The following RTN1 variants were observed in gnomAD, a reference collection of about 807,000 sequenced individuals.
RTN1 encodes the protein reticulon-1.
Under a neutral mutation model 65.5 loss-of-function variants are expected in RTN1, and 25 were observed. The ratio of observed to expected loss-of-function variants is 0.38; its 90% CI spans 0.28 to 0.53. The LOEUF is 0.53. Ranked by LOEUF, RTN1 falls within the 20% of genes least tolerant of loss-of-function variation. The probability of loss-of-function intolerance (pLI) is 0.79; values close to 1 mark genes in which losing one functional copy is unlikely to be tolerated. For missense variants in RTN1, 983 were observed against 1,025.4 expected (o/e 0.96, Z 0.57); for synonymous variants, 471 against 447.6 (o/e 1.05, Z -0.66).
intron 3 of RTN1, among the ~76,000 whole-genome samples, chr14:59,629,862 G>GA (rs1397589069): frequency 2.6e-5 from 4 of 152,122 alleles, no homozygotes; most frequent in Admixed American, 1.3e-4. Context: ...TCCAATGACA[G>GA]AAAAAAACCC....
intron 1 of RTN1, among the ~76,000 whole-genome samples, chr14:59,822,596 G>A (rs1401163063): frequency 6.6e-6 from 1 of 152,166 alleles, no homozygotes; most frequent in Non-Finnish European, 1.5e-5. Flanking sequence ...CTTCAGGTGT[G>A]ATGTTAGCTT....
intron 1 of RTN1, among the ~76,000 whole-genome samples, chr14:59,763,403 G>C (rs1885786548): frequency 6.6e-6 from 1 of 152,130 alleles, no homozygotes; most frequent in Admixed American, 6.5e-5. Flanking sequence ...TGAATGCTCA[G>C]TCAGGAAACT....
chr14:59,762,910 G>T (rs1173941646), intron 1 of RTN1, among the ~76,000 whole-genome samples: 1 of 152,170 alleles, frequency 6.6e-6, no homozygotes, highest in Non-Finnish European at 1.5e-5. Context: ...TTGCCTTCTT[G>T]TTCAAGTTTT....
At chr14:59,855,032 T>C (rs1887579579) in intron 1 of RTN1, among the ~76,000 whole-genome samples, 1 of 152,198 alleles carries the variant, frequency 6.6e-6, no homozygotes, top group South Asian at 2.1e-4. Flanking sequence ...TAGTACTATA[T>C]GGTTATTTTC....
intron 3 of RTN1, among the ~76,000 whole-genome samples, chr14:59,718,445 A>G (rs1233463915): frequency 6.6e-6 from 1 of 152,152 alleles, no homozygotes; most frequent in Non-Finnish European, 1.5e-5. Context: ...GACTTTCTGA[A>G]GCTTTTGTGA....
chr14:59,859,933 G>C (rs1031769424), intron 1 of RTN1, among the ~76,000 whole-genome samples: 3 of 152,178 alleles, frequency 2.0e-5, no homozygotes, highest in Non-Finnish European at 4.4e-5. Flanking sequence ...ATGTGACTAG[G>C]GTGCTGTTAA....
chr14:59,802,642 T>C (rs1206761502), intron 1 of RTN1, among the ~76,000 whole-genome samples: 1 of 152,182 alleles, frequency 6.6e-6, no homozygotes, highest in East Asian at 1.9e-4. Flanking sequence ...CAGTTAAGAT[T>C]TTCTTTAGTT....
intron 1 of RTN1, among the ~76,000 whole-genome samples, chr14:59,746,805 G>A (rs1003575548): frequency 6.6e-6 from 1 of 152,148 alleles, no homozygotes; most frequent in Admixed American, 6.5e-5. Flanking sequence ...CTTGATCTTA[G>A]TATTATTAAA....
At chr14:59,752,893 A>T (rs189040217) in intron 1 of RTN1, among the ~76,000 whole-genome samples, 6 of 152,336 alleles carry the variant, frequency 3.9e-5, no homozygotes, top group African/African-American at 1.4e-4. Context: ...AAATACAGCA[A>T]GAGTATTCTC....
intron 3 of RTN1, among the ~76,000 whole-genome samples, chr14:59,645,746 A>C (rs1045214172): frequency 6.6e-6 from 1 of 152,134 alleles, no homozygotes; most frequent in Non-Finnish European, 1.5e-5. Flanking sequence ...CCTGGTCCTC[A>C]CTTCTCTTCA....
chr14:59,602,675 C>T (rs1881616274), intron 8 of RTN1, among the ~76,000 whole-genome samples: 1 of 152,016 alleles, frequency 6.6e-6, no homozygotes, highest in Non-Finnish European at 1.5e-5. Context: ...AAAATTAGTG[C>T]TATTCATTGT....
chr14:59,774,312 G>C lies in RTN1; in HGVS notation c.242-27831C>G, dbSNP rs771034962. Among the ~76,000 whole-genome samples, 2 of 152,084 alleles carry C rather than the reference G, an allele frequency of 1.3e-5. No individual in the cohort carries two copies. The highest frequency in any genetic ancestry group is 2.9e-5 in the Non-Finnish European group (2 of 68,002). On this transcript the variant is annotated intron_variant, in intron 1 of 8. Coordinates refer to ENST00000267484, the MANE Select transcript of RTN1 (RefSeq NM_021136.3). The surrounding 1 kb of genome is among the most constrained non-coding windows in gnomAD (Gnocchi z 5.1). The stretch of plus-strand genomic sequence containing the variant: ...ATTCCATTTGTAAGAACATGGACTC[G>C]ACTCTGAATTAAAGTGTAAAAATGA...
At chr14:59,736,115 A>G (rs1884996385) in intron 2 of RTN1, among the ~76,000 whole-genome samples, 1 of 152,190 alleles carries the variant, frequency 6.6e-6, no homozygotes, top group Non-Finnish European at 1.5e-5. Flanking sequence ...ACAACCTAAC[A>G]TCACAACTAA....
intron 3 of RTN1, among the ~76,000 whole-genome samples, chr14:59,703,525 C>G (rs898924808): frequency 2.0e-5 from 3 of 152,218 alleles, no homozygotes; most frequent in African/African-American, 7.2e-5. Flanking sequence ...CAGCACTATG[C>G]TTCCTGCAAA....
chr14:59,647,573 A>C (rs769172361), intron 3 of RTN1, among the ~76,000 whole-genome samples: 2 of 152,238 alleles, frequency 1.3e-5, no homozygotes, highest in East Asian at 3.8e-4. Flanking sequence ...CAGCAAATGT[A>C]AAAGAACTGA....
intron 1 of RTN1, among the ~76,000 whole-genome samples, chr14:59,841,407 C>CT (rs1476625012): frequency 6.6e-6 from 1 of 152,100 alleles, no homozygotes; most frequent in Non-Finnish European, 1.5e-5. Flanking sequence ...GATAAAACTG[C>CT]AAGACTCGCC....
chr14:59,822,162 T>A (rs780325710), intron 1 of RTN1, among the ~76,000 whole-genome samples: 1 of 152,070 alleles, frequency 6.6e-6, no homozygotes, highest in African/African-American at 2.4e-5. Context: ...GGTTGGTAGG[T>A]TTTTTATTGT....
At chr14:59,732,829 G>T (rs139678918) in intron 2 of RTN1, among the ~76,000 whole-genome samples, 5 of 152,302 alleles carry the variant, frequency 3.3e-5, no homozygotes, top group African/African-American at 9.6e-5. Flanking sequence ...TCGTTTTGTG[G>T]GCCCCACTTC....
In RTN1 at chr14:59,803,080, G is replaced by A. The variant is rs975065612; in HGVS notation, c.242-56599C>T. ...TCATTTGCCATTTGCACTGGGATAA[G>A]CACACAGGCCATGCAGAAAACCGCT... On this transcript the variant is annotated intron_variant, in intron 1 of 8. Coordinates refer to ENST00000267484, the MANE Select transcript of RTN1 (RefSeq NM_021136.3). This position sits in a 1 kb window ranked among gnomAD's most constrained non-coding sequence, Gnocchi z 5.6. 2.0e-5 allele frequency among the ~76,000 whole-genome samples: 3 copies of A among 151,820 alleles called. No homozygotes were observed. Among genetic ancestry groups the A allele is most frequent in the Non-Finnish European group, 4.4e-5 (3 of 67,992 alleles).
Sources: gnomAD v4.1 joint callset for allele counts (sites outside exome capture counted in the v4.1 genomes callset) on GRCh38, gnomAD v4.1.1 for gene constraint, Gnocchi (gnomAD v3.1) non-coding constraint, MANE v1.5 for transcripts, NCBI Gene and HGNC (gene_info 2026-07-23, HGNC 2026-07-21) for gene names.